PTPRF: variants seen among roughly 807,000 people sequenced by gnomAD.
PTPRF encodes receptor-type tyrosine-protein phosphatase F.
In PTPRF, 59 loss-of-function variants were observed where a neutral mutation model predicts 201.8. The ratio of observed to expected loss-of-function variants is 0.29; its 90% confidence interval spans 0.24 to 0.36. The LOEUF is 0.36. PTPRF is among the 10% of genes least tolerant of loss of function. The pLI, the probability that PTPRF is intolerant of heterozygous loss-of-function variation, is 1.00. For missense variants in PTPRF, 2,132 were observed against 2,690.5 expected, an observed-to-expected ratio of 0.79 and a Z score of 4.59; for synonymous variants, 1,088 against 1,089.7, an observed-to-expected ratio of 1.00 and a Z score of 0.03.
chr1:43,591,745 C>A, intron 9 of PTPRF, 67 bp from the exon 10 acceptor site: 1 of 1,588,266 alleles, frequency 6.3e-7, no homozygotes, highest in Non-Finnish European at 8.6e-7. Context: ...TTCCTCGGCT[C>A]CCTCCTCCCT....
chr1:43,564,513 T>C (rs997804541), intron 5 of PTPRF, among the ~76,000 whole-genome samples: 2 of 152,206 alleles, frequency 1.3e-5, no homozygotes, highest in Admixed American at 6.5e-5. Flanking sequence ...CATGCGCCTG[T>C]TTCCACAGGT....
chr1:43,604,130 G>A lies in PTPRF; in HGVS notation c.2978G>A (p.Ser993Asn). The change falls in exon 16 of 34, where the codon AGC becomes AAC. Residue 993 changes from serine (S) to asparagine (N), a missense_variant. Ser to Asn is a conservative substitution (Grantham distance 46). This residue lies in a region of PTPRF where 818 missense variants were observed against 915.3 expected (regional missense o/e 0.89). Transcript: ENST00000359947. Reference protein sequence around the residue: ...TYDIKVRAWTSKGSGPLSPSI... With the variant: ...TYDIKVRAWTNKGSGPLSPSI... Reference sequence around the variant, plus strand: ...GACATCAAGGTCCGCGCATGGACCAGCAAAGGCTCTGGCCCACTCAGCCCC... The same window carrying A: ...GACATCAAGGTCCGCGCATGGACCAACAAAGGCTCTGGCCCACTCAGCCCC... 1.2e-6 allele frequency: 2 copies of A among 1,614,190 alleles called. No individual in the cohort carries two copies. The highest frequency in any genetic ancestry group is 1.1e-5 in the South Asian group (1 of 91,084).
chr1:43,582,959 C>T (rs948641949), intron 7 of PTPRF: 56 of 602,392 alleles, frequency 9.3e-5, no homozygotes, highest in Non-Finnish European at 1.1e-4. Flanking sequence ...GTCTCGTCTC[C>T]GTGCTGTGTG....
In PTPRF at chr1:43,576,013, C is replaced by G. The variant is rs1198679053; in HGVS notation, c.569-2797C>G. On this transcript the variant is annotated intron_variant, in intron 6 of 33. Coordinates refer to ENST00000359947, the MANE Select transcript of PTPRF (RefSeq NM_002840.5). ...CCATCCCGTCCAGTCTGTCACCTCC[C>G]CATCCCCATCCCAACCTCTTCAGCC... is the stretch of plus-strand genomic sequence containing the variant. 5 of 1,240,374 alleles carry G rather than the reference C, an allele frequency of 4.0e-6. No individual in the cohort carries two copies. In the African/African-American group the frequency reaches 4.6e-5, roughly 11 times the overall value. 76.8% of individuals were successfully genotyped at this position (1,240,374 alleles called of 1,614,324 possible).
intron 1 of PTPRF, among the ~76,000 whole-genome samples, chr1:43,532,022 T>C (rs1217254304): frequency 6.6e-6 from 1 of 152,206 alleles, no homozygotes; most frequent in African/African-American, 2.4e-5. Context: ...CCCAGGTCTC[T>C]CGATTCTGTC....
chr1:43,578,769 G>C (rs778371492), intron 6 of PTPRF, 41 bp from the exon 7 acceptor site: 4 of 1,503,992 alleles, frequency 2.7e-6, no homozygotes, highest in African/African-American at 1.4e-5. Context: ...GGCCACACTC[G>C]ACATGGGCCG....
chr1:43,532,764 A>G (rs958854224), intron 1 of PTPRF, among the ~76,000 whole-genome samples: 18 of 152,220 alleles, frequency 1.2e-4, no homozygotes, highest in African/African-American at 4.1e-4. Context: ...TAGGGCTTCA[A>G]GAAGGAGCAG....
intron 7 of PTPRF, among the ~76,000 whole-genome samples, chr1:43,583,446 T>G (rs187981268): frequency 9.9e-5 from 15 of 152,284 alleles, no homozygotes; most frequent in African/African-American, 3.6e-4. Context: ...GGAATGGTTG[T>G]GGGGGGCTGT....
At chr1:43,551,241 C>T (rs1312257042) in intron 3 of PTPRF, among the ~76,000 whole-genome samples, 3 of 151,066 alleles carry the variant, frequency 2.0e-5, no homozygotes, top group Non-Finnish European at 4.4e-5. Context: ...GAACCCTGAG[C>T]TGCTTTGTGG....
At chr1:43,575,760 C>A in intron 6 of PTPRF, 1 of 576,316 alleles carries the variant, frequency 1.7e-6, no homozygotes, top group Non-Finnish European at 2.9e-6. Flanking sequence ...CACACACTGT[C>A]CGTGTCGGCC....
At chr1:43,605,148 A>G (rs1570574852) in intron 17 of PTPRF, 42 bp from the exon 18 acceptor site, 2 of 1,577,372 alleles carry the variant, frequency 1.3e-6, no homozygotes, top group African/African-American at 1.3e-5. Flanking sequence ...GTGGTAGGGA[A>G]CCTCACCCAA....
At chr1:43,606,733 C>G in intron 20 of PTPRF, 81 bp from the exon 21 acceptor site, 1 of 1,546,566 alleles carries the variant, frequency 6.5e-7, no homozygotes, top group Non-Finnish European at 8.7e-7. Flanking sequence ...AGACCCAGAG[C>G]CCTTTCTCCA....
At chr1:43,592,411 G>A (rs373889578) in intron 10 of PTPRF, 46 bp from the exon 11 acceptor site, 1 of 1,564,890 alleles carries the variant, frequency 6.4e-7, no homozygotes, top group African/African-American at 1.3e-5. Flanking sequence ...ACCTGTGAGT[G>A]ACTTTGAGCT....
Position 43,591,389 on chromosome 1 carries a change from G to A in PTPRF, c.1367G>A (p.Arg456His), listed in dbSNP as rs775153874. 22 of 1,560,472 alleles carry A rather than the reference G, an allele frequency of 1.4e-5. No individual in the cohort carries two copies. The highest frequency in any genetic ancestry group is 4.7e-5 in the South Asian group (4 of 85,320). ...GYRVYYTPDS[R>H]RPPNAWHKHN... Reference sequence around the variant, plus strand: ...CGCGTCTACTATACTCCGGACTCCCGCCGCCCCCCGAACGCCTGGCACAAG... The same window carrying A: ...CGCGTCTACTATACTCCGGACTCCCACCGCCCCCCGAACGCCTGGCACAAG... Residue 456 changes from arginine (R) to histidine (H), a missense_variant, in exon 9 of 34, where the codon CGC becomes CAC. Physicochemically the swap from Arg to His is conservative, Grantham distance 29. Coordinates refer to ENST00000359947, the MANE Select transcript of PTPRF (RefSeq NM_002840.5).
intron 20 of PTPRF, 137 bp from the exon 21 acceptor site, chr1:43,606,677 C>T (rs1033713965): frequency 3.1e-6 from 4 of 1,301,298 alleles, no homozygotes; most frequent in Non-Finnish European, 4.2e-6. Context: ...CCCAGTCCTG[C>T]CAGGTCCACC....
chr1:43,550,290 A>G (rs962388727), intron 3 of PTPRF, among the ~76,000 whole-genome samples: 1 of 152,096 alleles, frequency 6.6e-6, no homozygotes, highest in African/African-American at 2.4e-5. Context: ...GCCGCCGGTG[A>G]CCCACACCTG....
intron 6 of PTPRF, among the ~76,000 whole-genome samples, chr1:43,573,049 G>C (rs776309154): frequency 2.1e-4 from 32 of 152,150 alleles, no homozygotes; most frequent in Non-Finnish European, 4.3e-4. Flanking sequence ...CCAAGTAGGA[G>C]CTGGACAGGA....
Position 43,572,221 on chromosome 1 carries a change from G to C in PTPRF, c.568+2443G>C, listed in dbSNP as rs1296586744. ...GGCCTTGCAGGGAGGGCCTGGGTCT[G>C]ATCACACTTGGTGAGGTCAGCTGTA... On this transcript the variant is annotated intron_variant, in intron 6 of 33. Coordinates refer to ENST00000359947, the MANE Select transcript of PTPRF (RefSeq NM_002840.5). Among the ~76,000 whole-genome samples the C allele has an allele frequency of 2.0e-5, 3 of 152,072 alleles. No individual in the cohort carries two copies. The East Asian group carries it at 5.8e-4, about 29-fold the overall frequency.
intron 11 of PTPRF, among the ~76,000 whole-genome samples, chr1:43,597,123 G>A (rs1243950311): frequency 1.4e-4 from 22 of 151,782 alleles, no homozygotes; most frequent in Admixed American, 1.4e-3. Flanking sequence ...TGAGAGACAC[G>A]TGTGAGACAC....
Sources: gnomAD v4.1 joint callset for allele counts (sites outside exome capture counted in the v4.1 genomes callset) on GRCh38, gnomAD v4.1.1 for gene constraint, gnomAD v4.1.1 regional missense constraint, MANE v1.5 for transcripts, NCBI Gene and HGNC (gene_info 2026-07-23, HGNC 2026-07-21) for gene names.